DISC1: variants seen among roughly 807,000 people sequenced by gnomAD.
The protein encoded by DISC1 is DISC1 scaffold protein.
In DISC1, 57 loss-of-function variants were observed where a neutral mutation model predicts 84.5. That is an observed-to-expected ratio of 0.67 (90% CI 0.55 to 0.84). The LOEUF is 0.84. Among genes scored for constraint, DISC1 ranks in the 40% least tolerant of loss-of-function variants. The probability of loss-of-function intolerance (pLI) is 0.00; values close to 1 mark genes in which losing one functional copy is unlikely to be tolerated. For synonymous variants in DISC1, 411 were observed against 415.2 expected (o/e 0.99, Z 0.12); for missense variants, 1,000 against 1,057.8 (o/e 0.95, Z 0.76).
intron 9 of DISC1, among the ~76,000 whole-genome samples, chr1:231,877,233 G>A (rs2085954834): frequency 6.6e-6 from 1 of 152,220 alleles, no homozygotes; most frequent in African/African-American, 2.4e-5. Flanking sequence ...GACCAACCTT[G>A]TACAGCCAGG....
rs548014024 is a variant in DISC1 at position 231,819,710 on chromosome 1, G to C, written c.1981+1193G>C. Among the ~76,000 whole-genome samples the C allele has an allele frequency of 4.6e-5, 7 of 152,260 alleles. 1 individual carries two copies. The South Asian group carries it at 1.5e-3, about 32-fold the overall frequency. On this transcript the variant is annotated intron_variant, in intron 9 of 12. Transcript: ENST00000439617. ...ACCGCAGCCTGGTTTACTCTGTCAT[G>C]ATAGGAATGAGGATTGTACATTTGA...
chr1:231,856,187 G>A (rs1045675993), intron 9 of DISC1, among the ~76,000 whole-genome samples: 1 of 152,190 alleles, frequency 6.6e-6, no homozygotes, highest in African/African-American at 2.4e-5. Flanking sequence ...TTGGATTGCA[G>A]ATTTATGTGT....
intron 3 of DISC1, among the ~76,000 whole-genome samples, chr1:231,705,773 GT>G (rs202084406): frequency 1.3e-3 from 191 of 152,094 alleles, no homozygotes; most frequent in African/African-American, 4.5e-3. Flanking sequence ...GAATTGTTGA[GT>G]TTTTTTTCAT....
At chr1:231,920,153 A>G (rs1572061608) in intron 9 of DISC1, among the ~76,000 whole-genome samples, 1 of 152,218 alleles carries the variant, frequency 6.6e-6, no homozygotes, top group African/African-American at 2.4e-5. Context: ...TCCCTTGGGG[A>G]TATAGGGCTG....
chr1:231,813,334 A>G (rs1004369221), intron 8 of DISC1: 3 of 152,072 alleles, frequency 2.0e-5, no homozygotes, highest in Admixed American at 2.0e-4. Flanking sequence ...ACAGCCCAGA[A>G]GACATGTTGG....
chr1:232,026,687 A>G, intron 12 of DISC1, 135 bp downstream of exon 12: 1 of 659,106 alleles, frequency 1.5e-6, no homozygotes, highest in Non-Finnish European at 2.7e-6. Flanking sequence ...AGCACCTCAG[A>G]TCTCTGAGAT....
chr1:231,958,171 G>A (rs1659846988), intron 9 of DISC1, among the ~76,000 whole-genome samples: 1 of 152,140 alleles, frequency 6.6e-6, no homozygotes, highest in Admixed American at 6.5e-5. Context: ...TGAGCAAAAG[G>A]GGAGAACTTG....
Position 232,036,342 on chromosome 1 carries a change from T to C in DISC1, c.2426-350T>C, listed in dbSNP as rs559512575. Among the ~76,000 whole-genome samples, 19 of 152,272 alleles carry C rather than the reference T, an allele frequency of 1.2e-4. No individual in the cohort carries two copies. In the East Asian group the frequency reaches 2.3e-3, roughly 19 times the overall value. On this transcript the variant is annotated intron_variant, in intron 12 of 12. Coordinates refer to ENST00000439617, the MANE Select transcript of DISC1 (RefSeq NM_018662.3). ...TGTCAAGAGTATTTGCATCTGACAG[T>C]TGCCCCACCCCAACTTGGGGCTTAG...
intron 9 of DISC1, among the ~76,000 whole-genome samples, chr1:231,884,333 C>T (rs374036385): frequency 2.0e-5 from 3 of 152,090 alleles, no homozygotes; most frequent in African/African-American, 7.2e-5. Flanking sequence ...CACTTATAAG[C>T]GAGAACGTGC....
chr1:231,757,566 G>T (rs1487821751), intron 4 of DISC1, among the ~76,000 whole-genome samples: 1 of 151,694 alleles, frequency 6.6e-6, no homozygotes, highest in Admixed American at 6.6e-5. Flanking sequence ...ATCTTCAGGG[G>T]TTAACTAGGT....
chr1:231,653,255 T>A (rs2060785192), intron 1 of DISC1, among the ~76,000 whole-genome samples: 1 of 152,210 alleles, frequency 6.6e-6, no homozygotes, highest in Non-Finnish European at 1.5e-5. Flanking sequence ...CCTCAGAAGT[T>A]TATTTCTCCT....
rs12061894 is a variant in DISC1 at position 231,667,205 on chromosome 1, T to C, written c.68-26621T>C. 3.9e-3 allele frequency among the ~76,000 whole-genome samples: 596 copies of C among 152,344 alleles called. 1 individual carries two copies. Among genetic ancestry groups the C allele is most frequent in the African/African-American group, 0.014 (568 of 41,586 alleles). On this transcript the variant is annotated intron_variant, in intron 1 of 12. Transcript: ENST00000439617. The stretch of plus-strand genomic sequence containing the variant: ...ACTCAAGAGGACCACAGAGGTCTTA[T>C]TCTTTTCAGTTTGGATAAATCTGGG...
At chr1:231,909,935 T>C (rs1192812110) in intron 9 of DISC1, among the ~76,000 whole-genome samples, 1 of 152,234 alleles carries the variant, frequency 6.6e-6, no homozygotes, top group Admixed American at 6.5e-5. Flanking sequence ...ATGTATCCAT[T>C]TCTTCTAGAT....
intron 6 of DISC1, among the ~76,000 whole-genome samples, chr1:231,773,664 G>A (rs922403279): frequency 8.5e-5 from 13 of 152,272 alleles, no homozygotes; most frequent in South Asian, 6.2e-4. Context: ...GATTACAGGC[G>A]TGAGCCACTG....
intron 1 of DISC1, among the ~76,000 whole-genome samples, chr1:231,669,182 G>A (rs969815370): frequency 6.6e-6 from 1 of 152,140 alleles, no homozygotes; most frequent in Admixed American, 6.5e-5. Flanking sequence ...GCAGTGATAG[G>A]GATGCCTGGG....
intron 9 of DISC1, among the ~76,000 whole-genome samples, chr1:231,946,898 AG>A (rs2126146845): frequency 6.6e-6 from 1 of 152,338 alleles, no homozygotes; most frequent in African/African-American, 2.4e-5. Flanking sequence ...ACAACTTACA[AG>A]GGTTGTGAAG....
chr1:231,657,407 T>TTGTTGGC, intron 1 of DISC1, among the ~76,000 whole-genome samples: 2 of 152,272 alleles, frequency 1.3e-5, no homozygotes, highest in Middle Eastern at 6.8e-3. Flanking sequence ...TTTGTCATGT[T>TTGTTGGC]TGTTGGCTGG....
At chr1:231,802,876 T>C (rs2079387874) in intron 8 of DISC1, among the ~76,000 whole-genome samples, 2 of 152,116 alleles carry the variant, frequency 1.3e-5, no homozygotes, top group South Asian at 2.1e-4. Context: ...TTTTCTTACT[T>C]TTTTCTATCC....
intron 4 of DISC1, among the ~76,000 whole-genome samples, chr1:231,757,538 G>A (rs571941906): frequency 3.3e-5 from 5 of 152,138 alleles, no homozygotes; most frequent in Non-Finnish European, 7.3e-5. Flanking sequence ...CCTGCCAGCA[G>A]CCAAGAGAGC....
Sources: gnomAD v4.1 joint callset for allele counts (sites outside exome capture counted in the v4.1 genomes callset) on GRCh38, gnomAD v4.1.1 for gene constraint, MANE v1.5 for transcripts, NCBI Gene and HGNC (gene_info 2026-07-23, HGNC 2026-07-21) for gene names.